The following UBE2Q2 variants were observed in gnomAD, a reference collection of about 807,000 sequenced individuals.
The protein encoded by UBE2Q2 is ubiquitin conjugating enzyme E2 Q2.
UBE2Q2 carries 54 observed loss-of-function variants against 59.9 expected under a neutral mutation model. The observed-to-expected ratio is 0.90, with a 90% CI of 0.72 to 1.13. The LOEUF is 1.13. Ranked by LOEUF, UBE2Q2 falls within the 50% of genes most tolerant of loss-of-function variation. The pLI is 0.00. For synonymous variants in UBE2Q2, 165 were observed against 155.2 expected (o/e 1.06, Z -0.47); for missense variants, 433 against 441.9 (o/e 0.98, Z 0.18).
chr15:75,851,934 G>A (rs1020612168), intron 1 of UBE2Q2, among the ~76,000 whole-genome samples: 5 of 152,176 alleles, frequency 3.3e-5, no homozygotes, highest in Admixed American at 3.3e-4. Context: ...GTGCAGTAGC[G>A]TGATCACAGC....
At position 75,843,527 on chromosome 15, in the gene UBE2Q2, G is replaced by C; in HGVS notation, c.-140G>C. On this transcript the variant is annotated 5_prime_UTR_variant, in exon 1 of 13. Transcript: ENST00000267938. ...GCGCCCCTCGCCATTTTCCAGCAGC[G>C]CTCGACGAGGCGGAGCCGCGAGAGC... The C allele has an allele frequency of 2.2e-6, 1 of 455,336 alleles. No homozygotes were observed. Among genetic ancestry groups the C allele is most frequent in the Non-Finnish European group, 3.3e-6 (1 of 302,480 alleles). 28.2% of individuals were successfully genotyped at this position (455,336 alleles called of 1,614,324 possible).
At chr15:75,874,625 A>G (rs1405158202) in intron 5 of UBE2Q2, among the ~76,000 whole-genome samples, 1 of 152,198 alleles carries the variant, frequency 6.6e-6, no homozygotes, top group African/African-American at 2.4e-5. Context: ...AGGATGTGAA[A>G]AGAACACTGA....
At chr15:75,853,635 A>G (rs923679662) in intron 1 of UBE2Q2, among the ~76,000 whole-genome samples, 4 of 152,068 alleles carry the variant, frequency 2.6e-5, no homozygotes, top group Admixed American at 6.6e-5. Flanking sequence ...CTCTGTAACA[A>G]ATTTATCAGC....
rs1315320189 is a variant in UBE2Q2, at chr15:75,899,556, G to A, written c.*98G>A. 1.1e-5 allele frequency: 10 copies of A among 948,588 alleles called. No homozygotes were observed. The highest frequency in any genetic ancestry group is 2.7e-5 in the East Asian group (1 of 36,522). The allele number at this position is 948,588 out of a possible 1,614,324, so 58.8% of individuals were successfully genotyped here. A position where few individuals can be genotyped will look rare whatever the true frequency, so the allele number is the denominator to read the frequency against. ...TGAGTGCCCCTATTACAGCAGTACC[G>A]AAGATGTTAGTTAATAGATATTTTA... On this transcript the variant is annotated 3_prime_UTR_variant, in exon 13 of 13. Coordinates refer to ENST00000267938, the MANE Select transcript of UBE2Q2 (RefSeq NM_173469.4).
At chr15:75,854,024 G>A (rs1416476756) in intron 1 of UBE2Q2, among the ~76,000 whole-genome samples, 2 of 152,196 alleles carry the variant, frequency 1.3e-5, no homozygotes, top group African/African-American at 4.8e-5. Context: ...CCTAATCTCA[G>A]AAGTGATGTT....
chr15:75,845,824 T>C (rs1201176733), intron 1 of UBE2Q2, among the ~76,000 whole-genome samples: 2 of 152,008 alleles, frequency 1.3e-5, no homozygotes, highest in Non-Finnish European at 2.9e-5. Context: ...GGTAAGAGTC[T>C]GCTGCAGATA....
In UBE2Q2 at chr15:75,844,525, TGTAAGCCTCGAAAATGGATAGGTGAAA is replaced by T. The variant is rs561203554; in HGVS notation, c.180+681_180+707del. On this transcript the variant is annotated intron_variant, in intron 1 of 12. Transcript: ENST00000267938. ...GTATTCGTGTGGCCCCTCCCTTGTG[TGTAAGCCTCGAAAATGGATAGGTGAAA>T]GGAGATACGCGCCAGGGCTGCTCCC... The T allele has an allele frequency of 4.6e-4, 715 of 1,545,786 alleles. 8 individuals carry two copies. The East Asian group carries it at 0.014, about 29-fold the overall frequency.
chr15:75,895,822 A>G (rs528565706), intron 11 of UBE2Q2, among the ~76,000 whole-genome samples: 1 of 152,284 alleles, frequency 6.6e-6, no homozygotes, highest in African/African-American at 2.4e-5. Context: ...AGGGCAATTT[A>G]GCAATATCTC....
chr15:75,877,084 C>T (rs1349183017), intron 6 of UBE2Q2, among the ~76,000 whole-genome samples: 1 of 135,248 alleles, frequency 7.4e-6, no homozygotes, highest in African/African-American at 2.7e-5. Context: ...TCACCTGAAC[C>T]CAGGAGGCAG....
intron 5 of UBE2Q2, among the ~76,000 whole-genome samples, chr15:75,875,302 C>T (rs939811218): frequency 2.6e-5 from 4 of 152,008 alleles, no homozygotes; most frequent in African/African-American, 9.7e-5. Context: ...TTGATTTTTC[C>T]CCCCTTCAAA....
chr15:75,892,297 C>T (rs111651071), intron 11 of UBE2Q2, among the ~76,000 whole-genome samples: 2 of 152,270 alleles, frequency 1.3e-5, no homozygotes, highest in African/African-American at 4.8e-5. Flanking sequence ...AAAGAATTCA[C>T]TCAAATCATA....
chr15:75,871,375 T>A (rs1260794400), intron 4 of UBE2Q2, among the ~76,000 whole-genome samples: 3 of 152,220 alleles, frequency 2.0e-5, no homozygotes, highest in African/African-American at 7.2e-5. Context: ...CTTCCTCTTA[T>A]ACTAATCTTC....
chr15:75,894,972 G>A (rs1387162664), intron 11 of UBE2Q2: 2 of 151,950 alleles, frequency 1.3e-5, no homozygotes, highest in Non-Finnish European at 2.9e-5. Context: ...GGATCACAAG[G>A]TCAGGAGATC....
In UBE2Q2 at chr15:75,843,623, C is replaced by G; in HGVS notation, c.-44C>G. 2.0e-6 allele frequency: 3 copies of G among 1,536,010 alleles called. No homozygotes were observed. Among genetic ancestry groups the G allele is most frequent in the Non-Finnish European group, 2.6e-6 (3 of 1,144,088 alleles). On this transcript the variant is annotated 5_prime_UTR_variant, in exon 1 of 13. Coordinates refer to ENST00000267938, the MANE Select transcript of UBE2Q2 (RefSeq NM_173469.4). The stretch of plus-strand genomic sequence containing the variant: ...CTCCGGGCCCGGCTCCCCTTCCGCG[C>G]CCGGCTCCCCTTCCGCGCCCCTCCC...
At position 75,890,445 on chromosome 15, in the gene UBE2Q2, G is replaced by A; in HGVS notation, c.895G>A (p.Gly299Ser). Reference sequence around the variant, plus strand: ...TTTTTTCTTTTTAAGGTATGTATTGGGTGGAGGAGCATTATGTATGGAACT... The same window carrying A: ...TTTTTTCTTTTTAAGGTATGTATTGAGTGGAGGAGCATTATGTATGGAACT... ...LPVLSGGYVLGGGALCMELLT... is the reference protein window; with the variant it reads ...LPVLSGGYVLSGGALCMELLT... Residue 299 changes from glycine to serine, a missense_variant, in exon 10 of 13, where the codon GGT becomes AGT. Gly to Ser is a moderately conservative substitution (Grantham distance 56). Coordinates refer to ENST00000267938, the MANE Select transcript of UBE2Q2 (RefSeq NM_173469.4). 1.2e-6 allele frequency: 2 copies of A among 1,605,314 alleles called. No homozygotes were observed. The highest frequency in any genetic ancestry group is 1.7e-4 in the Middle Eastern group (1 of 5,990).
rs111819674 is a variant in UBE2Q2 at position 75,849,912 on chromosome 15, T to C, written c.181-4474T>C. On this transcript the variant is annotated intron_variant, in intron 1 of 12. Transcript: ENST00000267938. ...ACCATTCACTGTTTAAAAACTGATATACCATAGGTCATATTTATTTTAAAG... is the reference window on the plus strand; with the variant it reads ...ACCATTCACTGTTTAAAAACTGATACACCATAGGTCATATTTATTTTAAAG... 4.5e-3 allele frequency among the ~76,000 whole-genome samples: 678 copies of C among 152,320 alleles called. 6 individuals carry two copies. The highest frequency in any genetic ancestry group is 0.016 in the African/African-American group (649 of 41,570).
intron 4 of UBE2Q2, among the ~76,000 whole-genome samples, chr15:75,872,638 A>G (rs533005395): frequency 8.6e-4 from 128 of 149,184 alleles, no homozygotes; most frequent in South Asian, 4.6e-3. Flanking sequence ...CTGGGCCCAC[A>G]TGATCTTCCT....
chr15:75,873,682 T>G, intron 5 of UBE2Q2, 114 bp downstream of exon 5: 1 of 1,203,558 alleles, frequency 8.3e-7, no homozygotes, highest in Admixed American at 2.4e-5. Flanking sequence ...CATTTCTGCC[T>G]TAGTGGTGGA....
chr15:75,888,493 T>G (rs1365904434), intron 9 of UBE2Q2, among the ~76,000 whole-genome samples: 1 of 152,222 alleles, frequency 6.6e-6, no homozygotes, highest in Non-Finnish European at 1.5e-5. Flanking sequence ...TGTCCATATA[T>G]ATGGCATGTT....
Sources: allele counts gnomAD v4.1 joint callset (sites outside exome capture counted in the v4.1 genomes callset), GRCh38; gene constraint gnomAD v4.1.1; transcripts MANE v1.5; gene names NCBI Gene and HGNC (gene_info 2026-07-23, HGNC 2026-07-21).